Variants in CTNND2 observed in about 807,000 individuals in gnomAD.
The protein encoded by CTNND2 is catenin delta 2.
In CTNND2, 22 loss-of-function variants were observed where a neutral mutation model predicts 144.4. The ratio of observed to expected loss-of-function variants is 0.15; its 90% confidence interval spans 0.11 to 0.22. CTNND2 has a LOEUF of 0.22. Among genes scored for constraint, CTNND2 ranks in the 10% least tolerant of loss-of-function variants. The pLI, the probability that CTNND2 is intolerant of heterozygous loss-of-function variation, is 1.00. For missense variants in CTNND2, 1,353 were observed against 1,618.8 expected (o/e 0.84, Z 2.82); for synonymous variants, 751 against 695.6 (o/e 1.08, Z -1.25).
At chr5:11,085,310 A>ATTGAGACATAGAAAAATATT (rs1375913787) in intron 15 of CTNND2, among the ~76,000 whole-genome samples, 1 of 152,222 alleles carries the variant, frequency 6.6e-6, no homozygotes, top group African/African-American at 2.4e-5. Context: ...TGATATTTTT[A>ATTGAGACATAGAAAAATATT]TTATTGAGAC....
At chr5:11,816,519 G>C (rs1169192857) in intron 1 of CTNND2, among the ~76,000 whole-genome samples, 1 of 150,032 alleles carries the variant, frequency 6.7e-6, no homozygotes, top group Non-Finnish European at 1.5e-5. Context: ...CCTGTGGTTG[G>C]CTGGTGTTAG....
At chr5:11,301,330 T>C (rs909510731) in intron 9 of CTNND2, among the ~76,000 whole-genome samples, 3 of 152,130 alleles carry the variant, frequency 2.0e-5, no homozygotes, top group Admixed American at 2.0e-4. Context: ...ATCTGCTTTC[T>C]TACTCTAGGG....
At chr5:11,382,593 C>CTGTGTG (rs1491128983) in intron 7 of CTNND2, among the ~76,000 whole-genome samples, 9 of 55,870 alleles carry the variant, frequency 1.6e-4, no homozygotes, top group African/African-American at 5.1e-4. Context: ...CAGAGTGAGA[C>CTGTGTG]TCTGTGTGTG....
At chr5:11,634,160 AC>A (rs1482441235) in intron 2 of CTNND2, among the ~76,000 whole-genome samples, 1 of 152,038 alleles carries the variant, frequency 6.6e-6, no homozygotes, top group African/African-American at 2.4e-5. Flanking sequence ...CATTCAACCG[AC>A]TATATACTCA....
At chr5:11,658,029 T>C (rs1783005907) in intron 2 of CTNND2, among the ~76,000 whole-genome samples, 1 of 152,080 alleles carries the variant, frequency 6.6e-6, no homozygotes, top group Non-Finnish European at 1.5e-5. Context: ...GAAGAACACT[T>C]TATTTTTATT....
chr5:11,633,775 CAAA>C (rs71595827), intron 2 of CTNND2, among the ~76,000 whole-genome samples: 22 of 136,450 alleles, frequency 1.6e-4, no homozygotes, highest in African/African-American at 4.3e-4. Flanking sequence ...GGCACTGTCT[CAAA>C]AAAAAAAAAA....
chr5:11,662,044 C>CAT (rs137864008), intron 2 of CTNND2, among the ~76,000 whole-genome samples: 16 of 149,760 alleles, frequency 1.1e-4, no homozygotes, highest in Non-Finnish European at 1.5e-4. Flanking sequence ...CACACACACA[C>CAT]ATATATATAC....
At chr5:11,498,321 C>T (rs565755846) in intron 3 of CTNND2, among the ~76,000 whole-genome samples, 8 of 151,920 alleles carry the variant, frequency 5.3e-5, no homozygotes, top group Non-Finnish European at 1.0e-4. Context: ...CCAAGTTCGA[C>T]AAAACAACAG....
chr5:11,385,162 C>T lies in CTNND2; in HGVS notation c.680G>A (p.Arg227Gln). Residue 227 changes from arginine (R) to glutamine (Q), a missense_variant, in exon 7 of 22, where the codon CGG (arginine) becomes CAG (glutamine). By Grantham distance (43) the Arg-to-Gln change is conservative. Coordinates refer to ENST00000304623, the MANE Select transcript of CTNND2 (RefSeq NM_001332.4). ...EPAPPPPPPP[R>Q]EPFAPSLGSA... is the part of the protein sequence containing the mutation. ...GCCCAGGCTGGGCGCGAACGGCTCC[C>T]GCGGCGGCGGCGGCGGCGGCGGCGC... 9.9e-7 allele frequency: 1 copy of T among 1,013,284 alleles called. No individual in the cohort carries two copies. The allele number at this position is 1,013,284 out of a possible 1,614,324, so 62.8% of individuals were successfully genotyped here.
intron 1 of CTNND2, among the ~76,000 whole-genome samples, chr5:11,857,946 G>T (rs556426281): frequency 6.6e-6 from 1 of 152,362 alleles, no homozygotes; most frequent in African/African-American, 2.4e-5. Context: ...GAACTTTTCA[G>T]ATAGGAAGCA....
intron 9 of CTNND2, among the ~76,000 whole-genome samples, chr5:11,319,765 C>T (rs537302333): frequency 2.0e-5 from 3 of 152,366 alleles, no homozygotes; most frequent in South Asian, 2.1e-4. Flanking sequence ...AGGTGATCCA[C>T]CAGCCTCGGC....
At chr5:11,692,607 T>C (rs1171410027) in intron 2 of CTNND2, among the ~76,000 whole-genome samples, 1 of 152,174 alleles carries the variant, frequency 6.6e-6, no homozygotes, top group African/African-American at 2.4e-5. Flanking sequence ...CAACATTTTA[T>C]TTTATTTTAT....
At chr5:11,363,038 T>C (rs1756625403) in intron 8 of CTNND2, among the ~76,000 whole-genome samples, 1 of 152,220 alleles carries the variant, frequency 6.6e-6, no homozygotes, top group East Asian at 1.9e-4. Flanking sequence ...ATTAATCATC[T>C]TTTGATTTTT....
chr5:11,696,253 G>A (rs773312738), intron 2 of CTNND2, among the ~76,000 whole-genome samples: 10 of 152,074 alleles, frequency 6.6e-5, no homozygotes, highest in Non-Finnish European at 1.5e-4. Flanking sequence ...GTAGGCGCTG[G>A]TTGAATTTCA....
intron 3 of CTNND2, among the ~76,000 whole-genome samples, chr5:11,517,193 CT>C (rs1251557305): frequency 6.6e-6 from 1 of 152,158 alleles, no homozygotes; most frequent in African/African-American, 2.4e-5. Flanking sequence ...TGCAAGTATC[CT>C]CTTATCTCTT....
intron 3 of CTNND2, among the ~76,000 whole-genome samples, chr5:11,466,358 T>C (rs1412435130): frequency 6.6e-6 from 1 of 152,240 alleles, no homozygotes; most frequent in Non-Finnish European, 1.5e-5. Flanking sequence ...TAATCTCCGC[T>C]GAGTTCTAAG....
intron 16 of CTNND2, among the ~76,000 whole-genome samples, chr5:11,042,746 C>T (rs852635): frequency 0.2 from 29,682 of 152,146 alleles, 3,475 homozygotes; most frequent in Non-Finnish European, 0.27. Flanking sequence ...AAAACCTGTA[C>T]ATCTAGGATT....
chr5:11,704,310 T>G (rs962939918), intron 2 of CTNND2, among the ~76,000 whole-genome samples: 1 of 152,222 alleles, frequency 6.6e-6, no homozygotes, highest in African/African-American at 2.4e-5. Context: ...TTAAGAAGAC[T>G]TCTCAGAATA....
chr5:11,652,647 T>C (rs887335913), intron 2 of CTNND2, among the ~76,000 whole-genome samples: 2 of 152,246 alleles, frequency 1.3e-5, no homozygotes, highest in Non-Finnish European at 2.9e-5. Context: ...GGTTTTTGAT[T>C]GTTCTGATAC....
Sources: allele counts gnomAD v4.1 joint callset (sites outside exome capture counted in the v4.1 genomes callset), GRCh38; gene constraint gnomAD v4.1.1; transcripts MANE v1.5; gene names NCBI Gene and HGNC (gene_info 2026-07-23, HGNC 2026-07-21).